The following ORC5 variants were observed in gnomAD, a reference collection of about 807,000 sequenced individuals.
ORC5 encodes the protein protein phosphatase 1, regulatory subunit 117.
ORC5 carries 39 observed loss-of-function variants against 58.8 expected under a neutral mutation model. The ratio of observed to expected loss-of-function variants is 0.66; its 90% confidence interval spans 0.51 to 0.87. The LOEUF is 0.87. Among genes scored for constraint, ORC5 ranks in the 40% least tolerant of loss-of-function variants. The pLI is 0.00. For missense variants in ORC5, 493 were observed against 506.3 expected, an observed-to-expected ratio of 0.97 and a Z score of 0.25; for synonymous variants, 218 against 177.6, an observed-to-expected ratio of 1.23 and a Z score of -1.81.
At chr7:104,134,561 G>A (rs571658878) in intron 13 of ORC5, among the ~76,000 whole-genome samples, 2 of 151,968 alleles carry the variant, frequency 1.3e-5, no homozygotes, top group Non-Finnish European at 2.9e-5. Context: ...CAGATTGCAT[G>A]AGTCTCAAGG....
intron 12 of ORC5, among the ~76,000 whole-genome samples, chr7:104,157,981 T>C (rs1454513694): frequency 6.6e-6 from 1 of 152,124 alleles, no homozygotes; most frequent in Non-Finnish European, 1.5e-5. Flanking sequence ...CTCTATCCTT[T>C]GGAAATAAGA....
At chr7:104,188,229 T>TATA in intron 6 of ORC5, 22 bp downstream of exon 6, 1 of 1,564,796 alleles carries the variant, frequency 6.4e-7, no homozygotes, top group Non-Finnish European at 8.8e-7. Context: ...TATATATATA[T>TATA]TCAAGCAAAA....
intron 13 of ORC5, among the ~76,000 whole-genome samples, chr7:104,132,351 ACT>A (rs1380055510): frequency 6.6e-6 from 1 of 152,122 alleles, no homozygotes; most frequent in Non-Finnish European, 1.5e-5. Context: ...ATTTTCAATA[ACT>A]CTATAAAAAT....
rs1401287334 is a variant in ORC5 at position 104,136,278 on chromosome 7, A to G, written c.1262+503T>C. Among the ~76,000 whole-genome samples, 1 of 151,914 alleles carries G rather than the reference A, an allele frequency of 6.6e-6. No homozygotes were observed. The highest frequency in any genetic ancestry group is 1.5e-5 in the Non-Finnish European group (1 of 67,994). On this transcript the variant is annotated intron_variant, in intron 13 of 13. Transcript: ENST00000297431. This position sits in a 1 kb window ranked among gnomAD's most constrained non-coding sequence, Gnocchi z 4.2. ...CTCTCCTCGTGCCCCTTCAGTATGT[A>G]TCCATTTGTCTCTCTGAAAACTCTA...
At chr7:104,184,952 T>C in intron 6 of ORC5, among the ~76,000 whole-genome samples, 1 of 152,182 alleles carries the variant, frequency 6.6e-6, no homozygotes, top group East Asian at 1.9e-4. Context: ...CTCCCTCCAA[T>C]AACCTGTTAT....
intron 13 of ORC5, among the ~76,000 whole-genome samples, chr7:104,131,213 A>G (rs1798507759): frequency 6.6e-6 from 1 of 151,950 alleles, no homozygotes; most frequent in African/African-American, 2.4e-5. Flanking sequence ...CTTAGTCTCA[A>G]TTTTGTCTCC....
intron 6 of ORC5, chr7:104,187,453 CAG>C (rs1307241162): frequency 6.6e-6 from 1 of 152,148 alleles, no homozygotes; most frequent in Non-Finnish European, 1.5e-5. Context: ...AGGGCAAAAA[CAG>C]AAAAAGAACA....
intron 3 of ORC5, among the ~76,000 whole-genome samples, chr7:104,199,418 G>A (rs556823330): frequency 1.1e-3 from 168 of 152,226 alleles, no homozygotes; most frequent in Middle Eastern, 3.4e-3. Flanking sequence ...CACAGAGGTC[G>A]AGCTGCATGA....
chr7:104,161,181 G>A lies in ORC5; in HGVS notation c.1040C>T (p.Thr347Ile). 6.4e-7 allele frequency: 1 copy of A among 1,557,552 alleles called. No individual in the cohort carries two copies. The highest frequency in any genetic ancestry group is 2.3e-5 in the East Asian group (1 of 44,386). The change falls in exon 12 of 14, where the codon ACA becomes ATA. Residue 347 changes from threonine to isoleucine, a missense_variant and splice_region_variant. Transcript: ENST00000297431. ...TTTTGGCCCAAGGAGATGATTGCTT[G>A]TCTGTAAAAAACAAAACAAAAACAT... ...KTNFLKKHEKTSNHLLGPKPF... is the reference protein window; with the variant it reads ...KTNFLKKHEKISNHLLGPKPF...
chr7:104,206,523 G>A (rs1800088100), intron 1 of ORC5, among the ~76,000 whole-genome samples: 1 of 152,146 alleles, frequency 6.6e-6, no homozygotes. Context: ...TCAAGAAAAT[G>A]CTCCAGTAAT....
intron 8 of ORC5, among the ~76,000 whole-genome samples, chr7:104,174,005 C>A (rs561431600): frequency 6.6e-6 from 1 of 151,334 alleles, no homozygotes; most frequent in East Asian, 1.9e-4. Flanking sequence ...CCACTACGCC[C>A]GGCTAATTTT....
chr7:104,174,664 G>A (rs1799285134), intron 8 of ORC5, among the ~76,000 whole-genome samples: 1 of 152,194 alleles, frequency 6.6e-6, no homozygotes, highest in Non-Finnish European at 1.5e-5. Context: ...TGCAACGGCA[G>A]TCTCCCAATA....
intron 1 of ORC5, among the ~76,000 whole-genome samples, chr7:104,207,334 C>A (rs1023690425): frequency 1.3e-5 from 2 of 152,200 alleles, no homozygotes; most frequent in African/African-American, 4.8e-5. Context: ...TTACCCTAGA[C>A]CTCTTCTGGA....
intron 12 of ORC5, among the ~76,000 whole-genome samples, chr7:104,147,369 T>G (rs1798773706): frequency 1.3e-5 from 2 of 152,070 alleles, no homozygotes; most frequent in African/African-American, 4.8e-5. Flanking sequence ...CCAACCGGAG[T>G]GTTCTATTTT....
intron 8 of ORC5, among the ~76,000 whole-genome samples, chr7:104,174,609 C>G (rs1189368754): frequency 2.0e-5 from 3 of 152,128 alleles, no homozygotes; most frequent in Non-Finnish European, 4.4e-5. Context: ...GATGGGCAAG[C>G]TATTGTCACA....
chr7:104,196,176 A>G (rs923766962), intron 4 of ORC5, among the ~76,000 whole-genome samples: 5 of 152,184 alleles, frequency 3.3e-5, no homozygotes, highest in African/African-American at 1.2e-4. Context: ...TTGTGAAGGG[A>G]TGCATGATCA....
At chr7:104,182,857 G>T (rs117471480) in intron 8 of ORC5, among the ~76,000 whole-genome samples, 2 of 152,092 alleles carry the variant, frequency 1.3e-5, no homozygotes, top group African/African-American at 2.4e-5. Flanking sequence ...TGCAGTGACC[G>T]GGTGTGGTGG....
intron 12 of ORC5, among the ~76,000 whole-genome samples, chr7:104,148,024 G>C (rs1439226994): frequency 6.6e-6 from 1 of 152,154 alleles, no homozygotes; most frequent in Admixed American, 6.5e-5. Context: ...GGGAAAGATA[G>C]CTATAGGAAC....
At chr7:104,201,518 A>T (rs1318563970) in intron 2 of ORC5, among the ~76,000 whole-genome samples, 1 of 152,034 alleles carries the variant, frequency 6.6e-6, no homozygotes, top group Non-Finnish European at 1.5e-5. Context: ...CCTATAAAGA[A>T]TTCTTATAAA....
Sources: allele counts gnomAD v4.1 joint callset (sites outside exome capture counted in the v4.1 genomes callset), GRCh38; gene constraint gnomAD v4.1.1; non-coding constraint Gnocchi (gnomAD v3.1); transcripts MANE v1.5; gene names NCBI Gene and HGNC (gene_info 2026-07-23, HGNC 2026-07-21).